Variants in SULF1 observed in about 807,000 individuals in gnomAD.
SULF1 encodes sulfatase 1.
Under a neutral mutation model 110.5 loss-of-function variants are expected in SULF1, and 46 were observed. The ratio of observed to expected loss-of-function variants is 0.42; its 90% CI spans 0.33 to 0.53. The LOEUF is 0.53. Ranked by LOEUF, SULF1 falls within the 20% of genes least tolerant of loss-of-function variation. The probability of loss-of-function intolerance (pLI) is 0.12; values close to 1 mark genes in which losing one functional copy is unlikely to be tolerated. For synonymous variants in SULF1, 371 were observed against 387.1 expected, an observed-to-expected ratio of 0.96 and a Z score of 0.49; for missense variants, 941 against 1,094.2, an observed-to-expected ratio of 0.86 and a Z score of 1.98.
upstream of SULF1, among the ~76,000 whole-genome samples, chr8:69,489,670 AG>A (rs1449626610): frequency 7.3e-6 from 1 of 136,162 alleles, no homozygotes; most frequent in Non-Finnish European, 1.5e-5. Context: ...TCCGCCTCCC[AG>A]GTTCAGGCCA....
intron 3 of SULF1, among the ~76,000 whole-genome samples, chr8:69,554,697 T>C (rs1437600579): frequency 1.3e-5 from 2 of 151,560 alleles, no homozygotes; most frequent in African/African-American, 4.8e-5. Flanking sequence ...AGAAAGAAAT[T>C]GGTGAGTCGC....
intron 5 of SULF1, among the ~76,000 whole-genome samples, chr8:69,570,799 G>A (rs755782703): frequency 1.4e-4 from 22 of 152,198 alleles, no homozygotes; most frequent in Admixed American, 5.2e-4. Context: ...GTCCACAGCC[G>A]ATGGCTGTCA....
At chr8:69,597,882 C>A (rs1211962010) in intron 8 of SULF1, among the ~76,000 whole-genome samples, 1 of 152,058 alleles carries the variant, frequency 6.6e-6, no homozygotes, top group Admixed American at 6.6e-5. Context: ...TGGTTAGGGG[C>A]CTTTCACAAC....
chr8:69,658,284 A>G (rs137864360), intron 22 of SULF1, among the ~76,000 whole-genome samples: 38 of 152,306 alleles, frequency 2.5e-4, no homozygotes, highest in African/African-American at 8.9e-4. Context: ...ATGCTTAGTC[A>G]TAGATGTTTT....
chr8:69,495,731 A>G (rs1810303792), intron 1 of SULF1, 34 bp from the exon 2 acceptor site: 2 of 152,252 alleles, frequency 1.3e-5, no homozygotes, highest in South Asian at 4.1e-4. Flanking sequence ...ATGAAGAAGT[A>G]ATACTTATCA....
intron 3 of SULF1, among the ~76,000 whole-genome samples, chr8:69,526,835 A>AAGGAAGGAAGGAAGGT: frequency 7.4e-6 from 1 of 134,846 alleles, no homozygotes; most frequent in African/African-American, 3.3e-5. Flanking sequence ...GGAAGGAAGG[A>AAGGAAGGAAGGAAGGT]AGGAAGGGAG....
chr8:69,586,126 T>C (rs759964339), intron 6 of SULF1, among the ~76,000 whole-genome samples: 21 of 152,234 alleles, frequency 1.4e-4, no homozygotes, highest in Non-Finnish European at 4.4e-5. Context: ...GATGGTTTCA[T>C]TGAGCTGTAA....
At chr8:69,513,920 G>A (rs1024185630) in intron 3 of SULF1, among the ~76,000 whole-genome samples, 3 of 152,204 alleles carry the variant, frequency 2.0e-5, no homozygotes, top group Admixed American at 2.0e-4. Flanking sequence ...TTTTGTTGTT[G>A]TCTAAAAAGA....
intron 3 of SULF1, among the ~76,000 whole-genome samples, chr8:69,514,282 C>T (rs1376819987): frequency 2.6e-5 from 4 of 152,168 alleles, no homozygotes; most frequent in African/African-American, 9.7e-5. Flanking sequence ...AGGAAACTTA[C>T]AATCATGGCA....
Position 69,586,309 on chromosome 8 carries a change from T to C in SULF1, c.413-48T>C, listed in dbSNP as rs146179477. ...AATTTTATACTTATCCATTTATTTA[T>C]GATTAATCATTTTACGTGAAAAAAA... On this transcript the variant is annotated intron_variant, in intron 6 of 22. Coordinates refer to ENST00000402687, the MANE Select transcript of SULF1 (RefSeq NM_001128205.2). 2.3e-3 allele frequency: 3,453 copies of C among 1,513,744 alleles called. 9 individuals are homozygous for C. The highest frequency in any genetic ancestry group is 2.9e-3 in the Non-Finnish European group (3,279 of 1,135,482). The allele number at this position is 1,513,744 out of a possible 1,614,324, so 93.8% of individuals were successfully genotyped here. A position where few individuals can be genotyped will look rare whatever the true frequency, so the allele number is the denominator to read the frequency against.
chr8:69,551,839 C>A (rs766936045), intron 3 of SULF1, among the ~76,000 whole-genome samples: 1 of 152,166 alleles, frequency 6.6e-6, no homozygotes, highest in Non-Finnish European at 1.5e-5. Context: ...TGCCTGTAAT[C>A]CCAGCACTTT....
At chr8:69,542,096 C>T (rs1048059334) in intron 3 of SULF1, among the ~76,000 whole-genome samples, 14 of 152,120 alleles carry the variant, frequency 9.2e-5, no homozygotes, top group African/African-American at 2.9e-4. Context: ...ATAGGCATGT[C>T]CCCTAACACC....
chr8:69,522,093 C>G (rs1223880244), intron 3 of SULF1, among the ~76,000 whole-genome samples: 1 of 151,840 alleles, frequency 6.6e-6, no homozygotes, highest in African/African-American at 2.4e-5. Context: ...CTCTGTTGCC[C>G]AGGCTGGAGT....
intron 1 of SULF1, among the ~76,000 whole-genome samples, chr8:69,483,179 C>A (rs1809575172): frequency 6.6e-6 from 1 of 152,044 alleles, no homozygotes; most frequent in Non-Finnish European, 1.5e-5. Context: ...CCAAGGAGAC[C>A]AAGGGAACGA....
intron 22 of SULF1, among the ~76,000 whole-genome samples, chr8:69,653,398 T>A (rs1418268894): frequency 6.6e-6 from 1 of 152,214 alleles, no homozygotes; most frequent in Non-Finnish European, 1.5e-5. Flanking sequence ...CAACGATTTT[T>A]AAAATATTTA....
chr8:69,648,327 A>G (rs910248565), intron 22 of SULF1, among the ~76,000 whole-genome samples: 2 of 152,180 alleles, frequency 1.3e-5, no homozygotes, highest in Non-Finnish European at 2.9e-5. Flanking sequence ...AACAAGCAAC[A>G]AACTACATAT....
chr8:69,639,151 G>A (rs530373571), intron 21 of SULF1, among the ~76,000 whole-genome samples: 293 of 152,270 alleles, frequency 1.9e-3, no homozygotes, highest in African/African-American at 6.7e-3. Context: ...AAGATGACAC[G>A]AAAGCGTTAG....
At chr8:69,498,325 G>C (rs1032930157) in intron 2 of SULF1, among the ~76,000 whole-genome samples, 2 of 151,968 alleles carry the variant, frequency 1.3e-5, no homozygotes, top group African/African-American at 4.8e-5. Context: ...ATTATTGCTT[G>C]AGAAAACATT....
Position 69,621,379 on chromosome 8 carries a change from C to T in SULF1, c.1594+128C>T, listed in dbSNP as rs376763523. The stretch of plus-strand genomic sequence containing the variant: ...ATGCATCATTTTCAGGCTAAAAGCA[C>T]ATCATTGCTCTATTTAAAATAAGAA... On this transcript the variant is annotated intron_variant, in intron 14 of 22. Transcript: ENST00000402687. The T allele has an allele frequency of 4.3e-5, 25 of 585,252 alleles. No individual in the cohort carries two copies. In the South Asian group the frequency reaches 7.9e-4, roughly 18 times the overall value. The allele number at this position is 585,252 out of a possible 1,614,324, so 36.3% of individuals were successfully genotyped here. A position where few individuals can be genotyped will look rare whatever the true frequency, so the allele number is the denominator to read the frequency against.
Sources: gnomAD v4.1 joint callset for allele counts (sites outside exome capture counted in the v4.1 genomes callset) on GRCh38, gnomAD v4.1.1 for gene constraint, MANE v1.5 for transcripts, NCBI Gene and HGNC (gene_info 2026-07-23, HGNC 2026-07-21) for gene names.